Variants in ANO1 observed in about 807,000 individuals in gnomAD.
ANO1 encodes anoctamin 1, also known as anoctamin-1.
Under a neutral mutation model 124.0 loss-of-function variants are expected in ANO1, and 59 were observed. That is an observed-to-expected ratio of 0.48 (90% confidence interval 0.39 to 0.59). The LOEUF (loss-of-function observed/expected upper bound fraction) is 0.59. Among genes scored for constraint, ANO1 ranks in the 20% least tolerant of loss-of-function variants. The pLI, the probability that ANO1 is intolerant of heterozygous loss-of-function variation, is 0.00. For missense variants in ANO1, 1,059 were observed against 1,328.0 expected (o/e 0.80, Z 3.15); for synonymous variants, 529 against 532.0 (o/e 0.99, Z 0.08).
chr11:70,057,038 A>C (rs986736308), intron 1 of ANO1, among the ~76,000 whole-genome samples: 1 of 152,276 alleles, frequency 6.6e-6, no homozygotes, highest in South Asian at 2.1e-4. Flanking sequence ...TATTCATCAT[A>C]TTAACAGATG....
At chr11:70,095,385 A>G (rs956526060) in intron 2 of ANO1, among the ~76,000 whole-genome samples, 2 of 36,070 alleles carry the variant, frequency 5.5e-5, no homozygotes, top group Admixed American at 3.5e-4. Context: ...AAAGAAAGAA[A>G]GAAAGAAAGA....
chr11:70,040,332 T>C (rs1857163960), intron 1 of ANO1, among the ~76,000 whole-genome samples: 2 of 152,102 alleles, frequency 1.3e-5, no homozygotes, highest in Admixed American at 1.3e-4. Flanking sequence ...CCCATGCACT[T>C]TTTAGACAGG....
intron 1 of ANO1, among the ~76,000 whole-genome samples, chr11:69,995,058 A>G (rs916108158): frequency 6.6e-6 from 1 of 150,904 alleles, no homozygotes; most frequent in Non-Finnish European, 1.5e-5. Flanking sequence ...TTAGTGTGGT[A>G]TATGTATCAC....
At chr11:70,080,940 T>C (rs1191456104) in intron 1 of ANO1, among the ~76,000 whole-genome samples, 1 of 152,204 alleles carries the variant, frequency 6.6e-6, no homozygotes, top group Non-Finnish European at 1.5e-5. Context: ...AAGCCAACAG[T>C]TGTTGCTCAG....
chr11:70,112,037 C>T (rs1008000613), intron 7 of ANO1, among the ~76,000 whole-genome samples: 2 of 152,184 alleles, frequency 1.3e-5, no homozygotes, highest in African/African-American at 4.8e-5. Context: ...TCGTAGCCAG[C>T]GGGTCCACAG....
chr11:70,095,744 A>G (rs2044925321), intron 2 of ANO1, among the ~76,000 whole-genome samples: 2 of 152,134 alleles, frequency 1.3e-5, no homozygotes, highest in Non-Finnish European at 2.9e-5. Flanking sequence ...TCGCCCCCGC[A>G]GGAGCCCCTC....
intron 1 of ANO1, among the ~76,000 whole-genome samples, chr11:70,083,801 C>T (rs1237767438): frequency 6.6e-6 from 1 of 152,112 alleles, no homozygotes; most frequent in Non-Finnish European, 1.5e-5. Flanking sequence ...CTAGACAGTC[C>T]CTGGCCAGGC....
chr11:70,168,819 G>A (rs941259565), intron 21 of ANO1, among the ~76,000 whole-genome samples: 8 of 152,254 alleles, frequency 5.3e-5, no homozygotes, highest in Admixed American at 3.9e-4. Flanking sequence ...AAGTGCTGCC[G>A]TCTGCCCCTC....
At chr11:70,071,765 AG>A (rs1482062914) in intron 1 of ANO1, among the ~76,000 whole-genome samples, 3 of 152,108 alleles carry the variant, frequency 2.0e-5, no homozygotes, top group African/African-American at 7.2e-5. Flanking sequence ...CTGGGATTAT[AG>A]GCACGCACCA....
At chr11:69,979,174 G>A in the ANO1 span, among the ~76,000 whole-genome samples, 76 of 152,174 alleles carry the variant, frequency 5.0e-4, no homozygotes, top group African/African-American at 1.6e-3. Flanking sequence ...CCAAGGGTCC[G>A]GAGACAGATT....
intron 11 of ANO1, among the ~76,000 whole-genome samples, chr11:70,132,826 G>T (rs1335793462): frequency 6.6e-6 from 1 of 152,242 alleles, no homozygotes. Flanking sequence ...ACAGTGGGCA[G>T]CCTGTGCTGA....
chr11:70,139,054 T>C (rs1415222692), intron 11 of ANO1, among the ~76,000 whole-genome samples: 1 of 152,216 alleles, frequency 6.6e-6, no homozygotes, highest in Non-Finnish European at 1.5e-5. Context: ...GTTCCTGCAT[T>C]CGTTTAGTCC....
chr11:70,049,698 TTGTTTG>T (rs1419293147), intron 1 of ANO1, among the ~76,000 whole-genome samples: 1 of 86,540 alleles, frequency 1.2e-5, no homozygotes, highest in African/African-American at 4.1e-5. Context: ...GTTTTTTTGT[TTGTTTG>T]TTTGTTTGTT....
At chr11:70,069,293 G>A (rs1857809479) in intron 1 of ANO1, among the ~76,000 whole-genome samples, 1 of 152,228 alleles carries the variant, frequency 6.6e-6, no homozygotes, top group East Asian at 1.9e-4. Flanking sequence ...CTTTGAAAGA[G>A]TCCCTCTAAG....
chr11:70,122,228 C>A (rs1565222586), intron 8 of ANO1, among the ~76,000 whole-genome samples: 1 of 73,328 alleles, frequency 1.4e-5, no homozygotes, highest in Admixed American at 1.6e-4. Context: ...TCTCTCTCTC[C>A]ATCTCCCCCA....
At chr11:70,004,146 C>A (rs1565158236) in intron 1 of ANO1, among the ~76,000 whole-genome samples, 1 of 152,204 alleles carries the variant, frequency 6.6e-6, no homozygotes, top group African/African-American at 2.4e-5. Context: ...GTGGTCTCAC[C>A]ACCCTGCACC....
At chr11:70,009,876 G>A (rs1856559229) in intron 1 of ANO1, among the ~76,000 whole-genome samples, 1 of 152,102 alleles carries the variant, frequency 6.6e-6, no homozygotes, top group Middle Eastern at 3.4e-3. Context: ...GCCATCACCT[G>A]AGCAGTGTAC....
the ANO1 span, among the ~76,000 whole-genome samples, chr11:69,974,842 C>T: frequency 2.7e-5 from 4 of 147,776 alleles, no homozygotes; most frequent in South Asian, 4.2e-4. Flanking sequence ...GCAACAGGAT[C>T]GGAGTCCGGT....
chr11:69,992,834 A>G (rs1856182826), intron 1 of ANO1, among the ~76,000 whole-genome samples: 1 of 152,156 alleles, frequency 6.6e-6, no homozygotes. Flanking sequence ...CTGGGCACAC[A>G]TGCCAGGGTT....
Sources: allele counts gnomAD v4.1 joint callset (sites outside exome capture counted in the v4.1 genomes callset), GRCh38; gene constraint gnomAD v4.1.1; transcripts MANE v1.5; gene names NCBI Gene and HGNC (gene_info 2026-07-23, HGNC 2026-07-21).